The following NAIP variants were observed in gnomAD, a reference collection of about 807,000 sequenced individuals.
NAIP encodes baculoviral IAP repeat-containing protein 1.
A neutral mutation model predicts 23.0 loss-of-function variants in NAIP; 15 were observed. That is an observed-to-expected ratio of 0.65 (90% CI 0.44 to 1.00). The LOEUF (loss-of-function observed/expected upper bound fraction) is 1.00, where lower values mean the gene tolerates loss of function less well. Ranked by LOEUF, NAIP falls within the 50% of genes least tolerant of loss-of-function variation. NAIP has a pLI of 0.00. For synonymous variants in NAIP, 100 were observed against 100.2 expected, an observed-to-expected ratio of 1.00 and a Z score of 0.01; for missense variants, 265 against 278.8, an observed-to-expected ratio of 0.95 and a Z score of 0.35.
intron 6 of NAIP, among the ~76,000 whole-genome samples, chr5:71,002,366 G>T (rs1218505212): frequency 0.015 from 322 of 21,178 alleles, no homozygotes; most frequent in African/African-American, 0.026. Flanking sequence ...TTTTTTTTTT[G>T]TATTTTTAGT....
intron 8 of NAIP, among the ~76,000 whole-genome samples, chr5:71,000,569 TGA>T (rs1750776040): frequency 7.8e-6 from 1 of 128,240 alleles, no homozygotes; most frequent in South Asian, 2.4e-4. Context: ...TTATTATTTT[TGA>T]GACAGAGTTT....
At position 71,012,548 on chromosome 5, in the gene NAIP, T is replaced by A; in HGVS notation, c.368A>T (p.Asp123Val). ...ATCCTTGTTCAAAAGGAACCCACAA[T>A]CTGGATGAAACCTCTTGTGGTCTTC... is the stretch of plus-strand genomic sequence containing the variant. ...PIEDHKRFHP[D>V]CGFLLNKDVG... is the part of the protein sequence containing the mutation. Residue 123 changes from aspartate (D) to valine (V), a missense_variant, in exon 4 of 17, where the codon GAT (aspartate) becomes GTT (valine). By Grantham distance (152) the Asp-to-Val change is radical. Coordinates refer to ENST00000517649, the MANE Select transcript of NAIP (RefSeq NM_004536.3). 1 of 1,611,708 alleles carries A rather than the reference T, an allele frequency of 6.2e-7. No individual in the cohort carries two copies. Among genetic ancestry groups the A allele is most frequent in the Non-Finnish European group, 8.5e-7 (1 of 1,178,428 alleles).
chr5:71,012,224 T>G, intron 4 of NAIP, 124 bp downstream of exon 4: 1 of 834,126 alleles, frequency 1.2e-6, no homozygotes, highest in East Asian at 2.7e-5. Context: ...AAACTAGACC[T>G]TATACCTAAT....
At chr5:71,011,724 C>A in intron 4 of NAIP, 2 of 449,028 alleles carry the variant, frequency 4.5e-6, no homozygotes, top group South Asian at 2.0e-5. Context: ...TTTAGCCTTG[C>A]CATGACATTT....
chr5:71,011,692 C>T (rs1164631157), intron 4 of NAIP: 8 of 467,374 alleles, frequency 1.7e-5, no homozygotes, highest in South Asian at 4.7e-5. Flanking sequence ...GCTGAAGTAA[C>T]GTGCAATTAG....
intron 3 of NAIP, among the ~76,000 whole-genome samples, chr5:71,013,220 A>C (rs1476546105): frequency 5.3e-5 from 8 of 151,690 alleles, no homozygotes; most frequent in Non-Finnish European, 1.0e-4. Flanking sequence ...ACAATGTGGT[A>C]ACATGAGCAT....
chr5:71,003,015 A>G (rs1750883090), intron 6 of NAIP: 1 of 52,166 alleles, frequency 1.9e-5, no homozygotes, highest in Non-Finnish European at 3.3e-5. Flanking sequence ...ACACACACAC[A>G]CACACACACA....
In NAIP at chr5:71,012,766, C is replaced by G. The variant is rs932170013; in HGVS notation, c.150G>C (p.Gln50His). The G allele has an allele frequency of 1.9e-6, 3 of 1,611,824 alleles. No homozygotes were observed. The African/African-American group carries it at 4.0e-5, about 22-fold the overall frequency. Reference sequence around the variant, plus strand: ...TGCGCATTTGAGAGTTGTAGCCTTTCTGCATTTTTGCTCGCTCCTTCTGCT... The same window carrying G: ...TGCGCATTTGAGAGTTGTAGCCTTTGTGCATTTTTGCTCGCTCCTTCTGCT... ...EEEQKERAKM[Q>H]KGYNSQMRSE... The change falls in exon 4 of 17, where the codon CAG (glutamine) becomes CAC (histidine). Residue 50 changes from glutamine (Q) to histidine (H), a missense_variant. Around this residue, in one of 2 missense-constraint regions of NAIP, gnomAD observed 261 missense variants for 259.2 expected, o/e 1.01. Transcript: ENST00000517649.
chr5:71,025,307 G>A lies in NAIP; in HGVS notation c.-911C>T, dbSNP rs1254071430. ...CACATAGGGGTTAAGGTTAACCAGTGATCTGGCTAGTCTGTACTTTTACCT... is the reference window on the plus strand; with the variant it reads ...CACATAGGGGTTAAGGTTAACCAGTAATCTGGCTAGTCTGTACTTTTACCT... On this transcript the variant is annotated 5_prime_UTR_variant, in exon 1 of 17. Coordinates refer to ENST00000517649, the MANE Select transcript of NAIP (RefSeq NM_004536.3). Among the ~76,000 whole-genome samples, 1 of 55,776 alleles carries A rather than the reference G, an allele frequency of 1.8e-5. No individual in the cohort carries two copies. The highest frequency in any genetic ancestry group is 6.3e-5 in the African/African-American group (1 of 15,974). The allele number at this position is 55,776 out of a possible 152,430, so 36.6% of individuals were successfully genotyped here.
In NAIP at chr5:70,969,933, G is replaced by GT. The variant is rs1554083017; in HGVS notation, c.*170dup. 1.8e-5 allele frequency: 7 copies of GT among 382,316 alleles called. No homozygotes were observed. The Admixed American group carries it at 2.4e-4, about 13-fold the overall frequency. The allele number at this position is 382,316 out of a possible 1,614,324, so 23.7% of individuals were successfully genotyped here. ...AGCTTGGTGGTGAGTATGCAGGACT[G>GT]TGTTTTGTTTTGTTTTGTTTTTTAG... On this transcript the variant is annotated 3_prime_UTR_variant, in exon 17 of 17. Coordinates refer to ENST00000517649, the MANE Select transcript of NAIP (RefSeq NM_004536.3).
In NAIP at chr5:71,012,513, T is replaced by C. The variant is rs780261198; in HGVS notation, c.403A>G (p.Ile135Val). 3.0e-5 allele frequency: 48 copies of C among 1,611,780 alleles called. 3 individuals are homozygous for C. The highest frequency in any genetic ancestry group is 4.0e-5 in the Non-Finnish European group (47 of 1,178,478). The change falls in exon 4 of 17, where the codon ATT (isoleucine) becomes GTT (valine). Residue 135 changes from isoleucine to valine, a missense_variant. Transcript: ENST00000517649. ...TTCACCCTTATGTCGTACTTGGCAA[T>C]GTTACCAACATCCTTGTTCAAAAGG... The part of the protein sequence containing the change: ...GFLLNKDVGN[I>V]AKYDIRVKNL...
chr5:70,977,787 G>A (rs926242175), intron 13 of NAIP, among the ~76,000 whole-genome samples: 1 of 134,148 alleles, frequency 7.5e-6, no homozygotes, highest in African/African-American at 2.5e-5. Flanking sequence ...GAGGTCAGGA[G>A]TTTGAGACTG....
At chr5:71,013,205 T>C (rs1297087651) in intron 3 of NAIP, among the ~76,000 whole-genome samples, 2 of 151,554 alleles carry the variant, frequency 1.3e-5, no homozygotes, top group Non-Finnish European at 2.9e-5. Context: ...ATATCAGTTA[T>C]GGACACAATG....
At position 71,012,380 on chromosome 5, in the gene NAIP, C is replaced by A; in HGVS notation, c.536G>T (p.Cys179Phe). The change falls in exon 4 of 17, where the codon TGT (cysteine) becomes TTT (phenylalanine). Residue 179 changes from cysteine to phenylalanine, a missense_variant. Around this residue, in one of 2 missense-constraint regions of NAIP, gnomAD observed 261 missense variants for 259.2 expected, o/e 1.01. Coordinates refer to ENST00000517649, the MANE Select transcript of NAIP (RefSeq NM_004536.3). ...GACAAAGCCAGCCTCTGAGAGCACA[C>A]AAGGGGATATCCCTTGGACATAAAA... is the stretch of plus-strand genomic sequence containing the variant. Reference protein sequence around the residue: ...WPFYVQGISPCVLSEAGFVFT... With the variant: ...WPFYVQGISPFVLSEAGFVFT... 2 of 1,611,304 alleles carry A rather than the reference C, an allele frequency of 1.2e-6. No individual in the cohort carries two copies. The highest frequency in any genetic ancestry group is 2.2e-5 in the South Asian group (2 of 90,900).
Position 71,011,255 on chromosome 5 carries a change from A to G in NAIP, c.668+20T>C. On this transcript the variant is annotated intron_variant, in intron 5 of 16. Transcript: ENST00000517649. ...CAAAAAAAAAAGAAAGAAACATTTA[A>G]GCAAAAATTATCTACTTACTTGGGG... 6.4e-7 allele frequency: 1 copy of G among 1,552,260 alleles called. No individual in the cohort carries two copies. Among genetic ancestry groups the G allele is most frequent in the Non-Finnish European group, 8.8e-7 (1 of 1,141,396 alleles).
chr5:71,002,310 C>G (rs1750821919), intron 6 of NAIP, among the ~76,000 whole-genome samples, 167 bp from the exon 7 acceptor site: 1 of 118,930 alleles, frequency 8.4e-6, no homozygotes, highest in Non-Finnish European at 1.8e-5. Flanking sequence ...CTGCCTCAGC[C>G]TCCCGAGCAG....
intron 8 of NAIP, among the ~76,000 whole-genome samples, chr5:71,000,536 A>G (rs1177377537): frequency 3.1e-5 from 4 of 127,150 alleles, no homozygotes; most frequent in Non-Finnish European, 6.3e-5. Context: ...TAATAATAAT[A>G]ATAATAATAA....
At chr5:71,010,417 C>T (rs1751094621) in intron 5 of NAIP, among the ~76,000 whole-genome samples, 2 of 151,608 alleles carry the variant, frequency 1.3e-5, no homozygotes, top group African/African-American at 2.4e-5. Context: ...TACAGGCACC[C>T]GCCACCGTTC....
In NAIP at chr5:70,979,590, T is replaced by TA. The variant is rs1750472965; in HGVS notation, c.3442+278dup. Among the ~76,000 whole-genome samples, 3 of 22,636 alleles carry TA rather than the reference T, an allele frequency of 1.3e-4. 1 individual carries two copies. Among genetic ancestry groups the TA allele is most frequent in the Non-Finnish European group, 2.5e-4 (3 of 11,958 alleles). 14.9% of individuals were successfully genotyped at this position (22,636 alleles called of 152,430 possible). A position where few individuals can be genotyped will look rare whatever the true frequency, so the allele number is the denominator to read the frequency against. Reference sequence around the variant, plus strand: ...ACTGTCTCAAAAAAAAAAAAAATAATAATAATAATAATAATAATAATAGTA... The same window carrying TA: ...ACTGTCTCAAAAAAAAAAAAAATAATAAATAATAATAATAATAATAATAGTA... On this transcript the variant is annotated intron_variant, in intron 13 of 16. Coordinates refer to ENST00000517649, the MANE Select transcript of NAIP (RefSeq NM_004536.3).
Sources: gnomAD v4.1 joint callset for allele counts (sites outside exome capture counted in the v4.1 genomes callset) on GRCh38, gnomAD v4.1.1 for gene constraint, gnomAD v4.1.1 regional missense constraint, MANE v1.5 for transcripts, NCBI Gene and HGNC (gene_info 2026-07-23, HGNC 2026-07-21) for gene names.